Variants in ARHGAP26 observed in about 807,000 individuals in gnomAD.
ARHGAP26 encodes Rho GTPase activating protein 26.
Under a neutral mutation model 104.8 loss-of-function variants are expected in ARHGAP26, and 38 were observed. That is an observed-to-expected ratio of 0.36 (90% CI 0.28 to 0.48). The LOEUF is 0.48. ARHGAP26 is among the 20% of genes least tolerant of loss of function. ARHGAP26 has a pLI of 0.99. For synonymous variants in ARHGAP26, 341 were observed against 340.0 expected (o/e 1.00, Z -0.03); for missense variants, 704 against 947.9 (o/e 0.74, Z 3.38).
chr5:143,068,647 C>T (rs1255123403), intron 17 of ARHGAP26, among the ~76,000 whole-genome samples: 1 of 152,202 alleles, frequency 6.6e-6, no homozygotes, highest in African/African-American at 2.4e-5. Context: ...TTATGCAATC[C>T]TTTGAAACAT....
chr5:142,983,173 AC>A (rs954204012), intron 11 of ARHGAP26, among the ~76,000 whole-genome samples: 17 of 151,384 alleles, frequency 1.1e-4, no homozygotes, highest in Admixed American at 2.0e-4. Context: ...TTCCCTTGCT[AC>A]CCCACGGTGA....
chr5:143,018,376 T>A (rs245815), intron 12 of ARHGAP26, among the ~76,000 whole-genome samples: 6 of 152,178 alleles, frequency 3.9e-5, no homozygotes, highest in African/African-American at 9.6e-5. Context: ...TTTGCTTTCT[T>A]GTTTATGATT....
At chr5:143,108,727 A>G (rs1035633938) in intron 17 of ARHGAP26, among the ~76,000 whole-genome samples, 2 of 152,188 alleles carry the variant, frequency 1.3e-5, no homozygotes, top group Non-Finnish European at 2.9e-5. Context: ...TAGGGTGGGT[A>G]TTTCATGAGT....
chr5:143,152,835 C>T (rs1311116132), intron 20 of ARHGAP26, among the ~76,000 whole-genome samples: 2 of 152,194 alleles, frequency 1.3e-5, no homozygotes, highest in Admixed American at 6.5e-5. Flanking sequence ...CTCAGCGCAG[C>T]TCAGCATTGG....
intron 11 of ARHGAP26, among the ~76,000 whole-genome samples, chr5:142,934,699 G>A (rs1157389654): frequency 6.6e-6 from 1 of 151,388 alleles, no homozygotes; most frequent in Non-Finnish European, 1.5e-5. Flanking sequence ...CTGTTATAGT[G>A]GCAACTATTT....
intron 1 of ARHGAP26, among the ~76,000 whole-genome samples, chr5:142,868,608 C>T (rs1754737398): frequency 6.6e-6 from 1 of 152,150 alleles, no homozygotes; most frequent in Admixed American, 6.5e-5. Context: ...AGGGAGCCTG[C>T]TGTGTGAGAG....
chr5:142,802,715 A>G (rs528975329), intron 1 of ARHGAP26, among the ~76,000 whole-genome samples: 3 of 152,292 alleles, frequency 2.0e-5, no homozygotes, highest in East Asian at 1.9e-4. Flanking sequence ...TTGAAATACA[A>G]TGCACATACT....
At chr5:142,836,132 C>T (rs1769511166) in intron 1 of ARHGAP26, among the ~76,000 whole-genome samples, 1 of 152,112 alleles carries the variant, frequency 6.6e-6, no homozygotes, top group African/African-American at 2.4e-5. Flanking sequence ...ATCATCAACC[C>T]ACTTCCCTCC....
At chr5:142,953,587 C>A in intron 11 of ARHGAP26, among the ~76,000 whole-genome samples, 1 of 152,170 alleles carries the variant, frequency 6.6e-6, no homozygotes, top group East Asian at 1.9e-4. Flanking sequence ...CTCTTCAAGT[C>A]CTGACCCTGG....
At chr5:142,805,392 A>G (rs432699) in intron 1 of ARHGAP26, among the ~76,000 whole-genome samples, 20,125 of 152,120 alleles carry the variant, frequency 0.13, 1,634 homozygotes, top group East Asian at 0.24. Context: ...GTGACCCACC[A>G]CGCCTGGCCC....
rs186671013 is a variant in ARHGAP26 at position 142,928,466 on chromosome 5, G to A, written c.1029-3581G>A. ...ATTCAATCTCATTTAATCCCGTGCA[G>A]GAGCTCACTAAGGTGTTTGCAGAAG... On this transcript the variant is annotated intron_variant, in intron 10 of 22. Transcript: ENST00000645722. 1.7e-3 allele frequency among the ~76,000 whole-genome samples: 256 copies of A among 152,234 alleles called. 3 individuals carry two copies. Among genetic ancestry groups the A allele is most frequent in the Non-Finnish European group, 4.0e-4 (27 of 68,014 alleles).
chr5:142,780,299 A>C (rs2151843090), intron 1 of ARHGAP26, among the ~76,000 whole-genome samples: 1 of 152,310 alleles, frequency 6.6e-6, no homozygotes, highest in East Asian at 1.9e-4. Context: ...ATTGCAAGTA[A>C]TGTTGTTGTG....
At chr5:143,106,871 G>T (rs1307124156) in intron 17 of ARHGAP26, among the ~76,000 whole-genome samples, 1 of 152,142 alleles carries the variant, frequency 6.6e-6, no homozygotes, top group Non-Finnish European at 1.5e-5. Flanking sequence ...GTGATTTGTT[G>T]TCTGCCTCTA....
intron 20 of ARHGAP26, among the ~76,000 whole-genome samples, chr5:143,201,900 C>T (rs1196618366): frequency 6.6e-6 from 1 of 152,146 alleles, no homozygotes; most frequent in Non-Finnish European, 1.5e-5. Flanking sequence ...TAAAAAATCA[C>T]AGAAGTGAAG....
chr5:142,982,779 G>A (rs1774132214), intron 11 of ARHGAP26, among the ~76,000 whole-genome samples: 1 of 152,224 alleles, frequency 6.6e-6, no homozygotes, highest in Non-Finnish European at 1.5e-5. Context: ...TGTTGAACCT[G>A]TTTTTTCTGG....
intron 1 of ARHGAP26, among the ~76,000 whole-genome samples, chr5:142,842,240 C>A (rs1308015375): frequency 6.6e-6 from 1 of 152,104 alleles, no homozygotes; most frequent in Non-Finnish European, 1.5e-5. Context: ...TTTCCTTATT[C>A]TTTAGATCCT....
intron 1 of ARHGAP26, among the ~76,000 whole-genome samples, chr5:142,779,404 G>A (rs1757029572): frequency 6.7e-6 from 1 of 148,878 alleles, no homozygotes; most frequent in Non-Finnish European, 1.5e-5. Context: ...TTAGAAAGAG[G>A]AGATTCCTGG....
chr5:143,011,205 C>T (rs374589834), intron 11 of ARHGAP26, among the ~76,000 whole-genome samples: 3 of 152,034 alleles, frequency 2.0e-5, no homozygotes, highest in Non-Finnish European at 4.4e-5. Context: ...CTAGCCCCCA[C>T]GTCTTCCCAA....
At chr5:143,029,425 G>A (rs1334463618) in intron 12 of ARHGAP26, among the ~76,000 whole-genome samples, 2 of 93,676 alleles carry the variant, frequency 2.1e-5, no homozygotes, top group South Asian at 3.5e-4. Context: ...TTTTTTTTGA[G>A]GCAGGCTCTC....
Sources: allele counts gnomAD v4.1 joint callset (sites outside exome capture counted in the v4.1 genomes callset), GRCh38; gene constraint gnomAD v4.1.1; transcripts MANE v1.5; gene names NCBI Gene and HGNC (gene_info 2026-07-23, HGNC 2026-07-21).